The following UBTF variants were observed in gnomAD, a reference collection of about 807,000 sequenced individuals.
UBTF encodes upstream binding transcription factor.
UBTF carries 8 observed loss-of-function variants against 112.3 expected under a neutral mutation model. That is an observed-to-expected ratio of 0.07 (90% CI 0.04 to 0.13). The LOEUF (loss-of-function observed/expected upper bound fraction) is 0.13, where lower values mean the gene tolerates loss of function less well. Among genes scored for constraint, UBTF ranks in the 10% least tolerant of loss-of-function variants. The pLI is 1.00. For missense variants in UBTF, 457 were observed against 982.1 expected (o/e 0.47, Z 7.15); for synonymous variants, 417 against 373.1 (o/e 1.12, Z -1.36).
chr17:44,218,321 C>G (rs2046949868), intron 1 of UBTF, 25 bp from the exon 2 acceptor site: 1 of 1,409,824 alleles, frequency 7.1e-7, no homozygotes, highest in Admixed American at 1.9e-5. Context: ...CCAGTTCCCA[C>G]TCAGGAAGGC....
chr17:44,213,340 T>C (rs377097573), intron 5 of UBTF, 58 bp from the exon 6 acceptor site: 16 of 1,566,926 alleles, frequency 1.0e-5, no homozygotes, highest in African/African-American at 1.4e-5. Flanking sequence ...CCCTGAGCTA[T>C]GAAGGCCACC....
chr17:44,211,569 A>G lies in UBTF; in HGVS notation c.1047+37T>C, dbSNP rs1246232831. On this transcript the variant is annotated intron_variant, in intron 10 of 20. Coordinates refer to ENST00000436088, the MANE Select transcript of UBTF (RefSeq NM_014233.4). This position sits in a 1 kb window ranked among gnomAD's most constrained non-coding sequence, Gnocchi z 4.9. ...AAGATGGGATCAGACCTCATGCTTCAAAACCCCAAGGCAGGGTGGCCCCTG... is the reference window on the plus strand; with the variant it reads ...AAGATGGGATCAGACCTCATGCTTCGAAACCCCAAGGCAGGGTGGCCCCTG... 1 of 1,595,782 alleles carries G rather than the reference A, an allele frequency of 6.3e-7. No individual in the cohort carries two copies. Among genetic ancestry groups the G allele is most frequent in the South Asian group, 1.1e-5 (1 of 89,218 alleles).
At chr17:44,218,338 G>A in intron 1 of UBTF, 42 bp from the exon 2 acceptor site, 8 of 1,253,292 alleles carry the variant, frequency 6.4e-6, no homozygotes, top group East Asian at 2.3e-5. Context: ...AGGCTGAGAG[G>A]TGAACGACTA....
In UBTF at chr17:44,207,766, C is replaced by T. The variant is rs1276144399; in HGVS notation, c.1958G>A (p.Arg653His). The change falls in exon 19 of 21, where the codon CGT (arginine) becomes CAT (histidine). Residue 653 changes from arginine to histidine, a missense_variant. Physicochemically the swap from Arg to His is conservative, Grantham distance 29 (BLOSUM62 0). This residue lies in a region of UBTF where 139 missense variants were observed against 157.5 expected (regional missense o/e 0.88). Transcript: ENST00000436088. ...AAYKEYISNK[R>H]KSMTKLRGPN... ...GCCTCGCAGCTTGGTCATGCTCTTACGTTTCTGCAGGATGGGGACACAAAG... is the reference window on the plus strand; with the variant it reads ...GCCTCGCAGCTTGGTCATGCTCTTATGTTTCTGCAGGATGGGGACACAAAG... The T allele has an allele frequency of 4.3e-6, 7 of 1,614,162 alleles. No homozygotes were observed. The highest frequency in any genetic ancestry group is 2.2e-5 in the South Asian group (2 of 91,084).
At chr17:44,212,504 A>T in intron 7 of UBTF, 50 bp from the exon 8 acceptor site, 9 of 70,222 alleles carry the variant, frequency 1.3e-4, no homozygotes, top group African/African-American at 3.0e-4. Flanking sequence ...GGGCAGGGGG[A>T]GGGGGGAAGG....
At chr17:44,213,592 G>A (rs547505473) in intron 5 of UBTF, among the ~76,000 whole-genome samples, 4 of 152,338 alleles carry the variant, frequency 2.6e-5, no homozygotes, top group East Asian at 1.9e-4. Context: ...CAGTGGCAGC[G>A]CTGAGCCTCC....
intron 5 of UBTF, among the ~76,000 whole-genome samples, chr17:44,213,981 T>A (rs2046715010): frequency 6.6e-6 from 1 of 151,918 alleles, no homozygotes; most frequent in Non-Finnish European, 1.5e-5. Flanking sequence ...ACCCCCTTTT[T>A]AGCCTCCCCA....
At position 44,210,476 on chromosome 17, in the gene UBTF, G is replaced by A. The variant is rs768895606; in HGVS notation, c.1360-3C>T. On this transcript the variant is annotated splice_region_variant and splice_polypyrimidine_tract_variant and intron_variant, in intron 13 of 20. Transcript: ENST00000436088. The stretch of plus-strand genomic sequence containing the variant: ...GCCTCTCGGGCCTTGTACTTGGCCT[G>A]CGGGGATGGCCCGGGCGTCAGCCTT... The A allele has an allele frequency of 6.2e-6, 10 of 1,600,140 alleles. No individual in the cohort carries two copies. The South Asian group carries it at 8.9e-5, about 14-fold the overall frequency.
At position 44,212,851 on chromosome 17, in the gene UBTF, C is replaced by G; in HGVS notation, c.628G>C (p.Glu210Gln). ...KTPQQLWYTH[E>Q]KKVYLKVRPD... ...CGCACTTTGAGATACACCTTCTTCT[C>G]GTGGGTGTACCACAGCTGCTGGGGG... The change falls in exon 7 of 21, where the codon GAG (glutamate) becomes CAG (glutamine). Residue 210 changes from glutamate (E) to glutamine (Q), a missense_variant. By Grantham distance (29) the Glu-to-Gln change is conservative. Coordinates refer to ENST00000436088, the MANE Select transcript of UBTF (RefSeq NM_014233.4). 1 of 1,614,144 alleles carries G rather than the reference C, an allele frequency of 6.2e-7. No individual in the cohort carries two copies. The highest frequency in any genetic ancestry group is 1.7e-5 in the Admixed American group (1 of 60,018).
chr17:44,207,165 G>C lies in UBTF; in HGVS notation c.*77C>G, dbSNP rs2056294821. The C allele has an allele frequency of 6.5e-7, 1 of 1,539,158 alleles. No homozygotes were observed. Among genetic ancestry groups the C allele is most frequent in the East Asian group, 2.3e-5 (1 of 44,236 alleles). ...GCCAGGGGGGCAAGGGACAGAACAT[G>C]GGGGAGAAACAAAGGTGGTCAGTTG... On this transcript the variant is annotated 3_prime_UTR_variant, in exon 21 of 21. Transcript: ENST00000436088.
intron 16 of UBTF, 44 bp downstream of exon 16, chr17:44,209,601 G>A: frequency 6.2e-7 from 1 of 1,613,920 alleles, no homozygotes; most frequent in Non-Finnish European, 8.5e-7. Flanking sequence ...ATCCAGCCCT[G>A]ACCCTCCCCG....
Position 44,207,708 on chromosome 17 carries a change from C to A in UBTF, c.2016G>T (p.Gln672His). The change falls in exon 19 of 21, where the codon CAG (glutamine) becomes CAT (histidine). Residue 672 changes from glutamine (Q) to histidine (H), a missense_variant. Coordinates refer to ENST00000436088, the MANE Select transcript of UBTF (RefSeq NM_014233.4). The stretch of plus-strand genomic sequence containing the variant: ...GGGAGGGGCTCCTTACCGACTTGGA[C>A]TGCAGAGTAGTCCGGCTGGATTTGG... The part of the protein sequence containing the change: ...PNPKSSRTTL[Q>H]SKSESEEDDE... 6.2e-7 allele frequency: 1 copy of A among 1,614,206 alleles called. No individual in the cohort carries two copies. The highest frequency in any genetic ancestry group is 8.5e-7 in the Non-Finnish European group (1 of 1,180,040).
chr17:44,213,348 A>T (rs1241906299), intron 5 of UBTF, 66 bp from the exon 6 acceptor site: 1 of 1,528,128 alleles, frequency 6.5e-7, no homozygotes, highest in Non-Finnish European at 8.9e-7. Context: ...TATGAAGGCC[A>T]CCCAGACCCC....
At chr17:44,207,406 C>T in intron 20 of UBTF, 39 bp from the exon 21 acceptor site, 1 of 1,611,904 alleles carries the variant, frequency 6.2e-7, no homozygotes, top group Non-Finnish European at 8.5e-7. Context: ...CCAGGTGGCC[C>T]TCCTGGCAGG....
At position 44,211,992 on chromosome 17, in the gene UBTF, G is replaced by C; in HGVS notation, c.786C>G (p.Asp262Glu). The C allele has an allele frequency of 1.2e-6, 2 of 1,613,388 alleles. No individual in the cohort carries two copies. The highest frequency in any genetic ancestry group is 1.1e-5 in the South Asian group (1 of 91,056). ...QRKEYEEIMR[D>E]YIQKHPELNI... ...TCAGCTCTGGGTGCTTCTGGATATAGTCTCTCATGATCTCCTGCAGAGCCA... is the reference window on the plus strand; with the variant it reads ...TCAGCTCTGGGTGCTTCTGGATATACTCTCTCATGATCTCCTGCAGAGCCA... The change falls in exon 9 of 21, where the codon GAC becomes GAG. Residue 262 changes from aspartate (D) to glutamate (E), a missense_variant. Asp to Glu is a conservative substitution (Grantham distance 45, BLOSUM62 2). This residue lies in a region of UBTF where 87 missense variants were observed against 286.6 expected (regional missense o/e 0.30). Transcript: ENST00000436088. The surrounding 1 kb of genome is among the most constrained non-coding windows in gnomAD (Gnocchi z 4.9).
chr17:44,208,232 T>C (rs1220729954), intron 17 of UBTF, among the ~76,000 whole-genome samples: 1 of 150,972 alleles, frequency 6.6e-6, no homozygotes, highest in Non-Finnish European at 1.5e-5. Context: ...GCCTCCAGAG[T>C]AGCTGGGACT....
chr17:44,207,187 G>C lies in UBTF; in HGVS notation c.*55C>G, dbSNP rs749128923. On this transcript the variant is annotated 3_prime_UTR_variant, in exon 21 of 21. Coordinates refer to ENST00000436088, the MANE Select transcript of UBTF (RefSeq NM_014233.4). The stretch of plus-strand genomic sequence containing the variant: ...CATGGGGGAGAAACAAAGGTGGTCA[G>C]TTGGGGAGGGGAGCTCCTGGGCTCT... 5 of 1,604,648 alleles carry C rather than the reference G, an allele frequency of 3.1e-6. No homozygotes were observed. The highest frequency in any genetic ancestry group is 3.4e-5 in the Admixed American group (2 of 59,664).
At chr17:44,213,159 T>G in intron 6 of UBTF, 59 bp downstream of exon 6, 2 of 1,589,412 alleles carry the variant, frequency 1.3e-6, no homozygotes, top group Non-Finnish European at 1.7e-6. Flanking sequence ...CTGGCCAGGG[T>G]TAGCCTATTC....
chr17:44,213,183 G>A (rs1347856041), intron 6 of UBTF, 35 bp downstream of exon 6: 7 of 1,605,848 alleles, frequency 4.4e-6, no homozygotes, highest in Non-Finnish European at 6.0e-6. Flanking sequence ...TGCCCCCAGT[G>A]CCCCGTGGCC....
Sources: allele counts gnomAD v4.1 joint callset (sites outside exome capture counted in the v4.1 genomes callset), GRCh38; gene constraint gnomAD v4.1.1; regional missense constraint gnomAD v4.1.1; non-coding constraint Gnocchi (gnomAD v3.1); transcripts MANE v1.5; gene names NCBI Gene and HGNC (gene_info 2026-07-23, HGNC 2026-07-21).